ACTL6B: variants seen among roughly 807,000 people sequenced by gnomAD.
The protein encoded by ACTL6B is actin-like protein 6B.
ACTL6B carries 48 observed loss-of-function variants against 63.3 expected under a neutral mutation model. The ratio of observed to expected loss-of-function variants is 0.76; its 90% confidence interval spans 0.60 to 0.96. ACTL6B has a LOEUF of 0.96. ACTL6B is among the 50% of genes least tolerant of loss of function. The probability of loss-of-function intolerance (pLI) is 0.00; values close to 1 mark genes in which losing one functional copy is unlikely to be tolerated. For synonymous variants in ACTL6B, 230 were observed against 223.8 expected, an observed-to-expected ratio of 1.03 and a Z score of -0.25; for missense variants, 350 against 572.2, an observed-to-expected ratio of 0.61 and a Z score of 3.96.
At position 100,655,098 on chromosome 7, in the gene ACTL6B, C is replaced by T. The variant is rs768097253; in HGVS notation, c.290G>A (p.Arg97Gln). ...GCTGTAGGTGTGATCCAGGATGGCT[C>T]GGAAGCACTCCCAGTCCTCGACTGG... is the stretch of plus-strand genomic sequence containing the variant. ...NGMIEDWECF[R>Q]AILDHTYSKH... Residue 97 changes from arginine to glutamine, a missense_variant, in exon 4 of 14, where the codon CGA becomes CAA. Around this residue, in one of 3 missense-constraint regions of ACTL6B, gnomAD observed 250 missense variants for 364.7 expected, o/e 0.69. Coordinates refer to ENST00000160382, the MANE Select transcript of ACTL6B (RefSeq NM_016188.5). The surrounding 1 kb of genome is among the most constrained non-coding windows in gnomAD (Gnocchi z 4.4). 1 of 1,613,824 alleles carries T rather than the reference C, an allele frequency of 6.2e-7. No individual in the cohort carries two copies. Among genetic ancestry groups the T allele is most frequent in the Admixed American group, 1.7e-5 (1 of 59,986 alleles).
At chr7:100,649,133 C>A (rs1194086735) in intron 5 of ACTL6B, among the ~76,000 whole-genome samples, 1 of 151,796 alleles carries the variant, frequency 6.6e-6, no homozygotes, top group African/African-American at 2.4e-5. Context: ...GCTGGGACTA[C>A]AGGTGCCTGC....
rs1803866074 is a variant in ACTL6B at position 100,648,334 on chromosome 7, C to T, written c.669+222G>A. ...TGGACCCTAGAACCCACCACACTGG[C>T]CCTCACACATCCTGCTGTCTGCCAG... is the stretch of plus-strand genomic sequence containing the variant. On this transcript the variant is annotated intron_variant, in intron 7 of 13. Coordinates refer to ENST00000160382, the MANE Select transcript of ACTL6B (RefSeq NM_016188.5). The surrounding 1 kb of genome is among the most constrained non-coding windows in gnomAD (Gnocchi z 4.4). 4 of 491,532 alleles carry T rather than the reference C, an allele frequency of 8.1e-6. No individual in the cohort carries two copies. Among genetic ancestry groups the T allele is most frequent in the East Asian group, 3.6e-5 (1 of 28,162 alleles). 30.4% of individuals were successfully genotyped at this position (491,532 alleles called of 1,614,324 possible).
chr7:100,644,536 C>T (rs1803786176), intron 13 of ACTL6B, among the ~76,000 whole-genome samples: 1 of 152,182 alleles, frequency 6.6e-6, no homozygotes, highest in Admixed American at 6.5e-5. Flanking sequence ...CAGCCTCAAC[C>T]TTCCAGGTTC....
chr7:100,647,331 GCACCCCC>G lies in ACTL6B; in HGVS notation c.760-54_760-48del. 1 of 1,607,716 alleles carries G rather than the reference GCACCCCC, an allele frequency of 6.2e-7. No homozygotes were observed. Among genetic ancestry groups the G allele is most frequent in the South Asian group, 1.1e-5 (1 of 90,930 alleles). Reference sequence around the variant, plus strand: ...TGAGGGCCTGCCTTCCCCGTGAGCAGCACCCCCTGCCCCGCTCCCCCTCCCTGCTCCC... The same window carrying G: ...TGAGGGCCTGCCTTCCCCGTGAGCAGTGCCCCGCTCCCCCTCCCTGCTCCC... On this transcript the variant is annotated intron_variant, in intron 8 of 13. Coordinates refer to ENST00000160382, the MANE Select transcript of ACTL6B (RefSeq NM_016188.5). This position sits in a 1 kb window ranked among gnomAD's most constrained non-coding sequence, Gnocchi z 4.4.
chr7:100,653,673 CAAACA>C (rs1184015805), intron 4 of ACTL6B, among the ~76,000 whole-genome samples: 1 of 151,998 alleles, frequency 6.6e-6, no homozygotes, highest in Non-Finnish European at 1.5e-5. Context: ...AAACAAACAA[CAAACA>C]AAACCCCAAA....
chr7:100,645,327 C>T lies in ACTL6B; in HGVS notation c.1200+922G>A, dbSNP rs562310889. ...CAGCAGGTCCAGACTGAACTTACCA[C>T]CTCCTGCCCCAGAACCAACCTGCCT... On this transcript the variant is annotated intron_variant, in intron 13 of 13. Transcript: ENST00000160382. Among the ~76,000 whole-genome samples the T allele has an allele frequency of 1.4e-4, 21 of 152,238 alleles. No homozygotes were observed. The Middle Eastern group carries it at 0.017, about 123-fold the overall frequency.
rs192717753 is a variant in ACTL6B at position 100,644,863 on chromosome 7, T to G, written c.1200+1386A>C. ...TTGAGGTCAGGAGTTTGAGACAAGC[T>G]TAGCCAACACGGTGAAACCCCATCT... On this transcript the variant is annotated intron_variant, in intron 13 of 13. Transcript: ENST00000160382. 2.0e-5 allele frequency among the ~76,000 whole-genome samples: 3 copies of G among 152,142 alleles called. No individual in the cohort carries two copies. The East Asian group carries it at 5.8e-4, about 29-fold the overall frequency.
chr7:100,647,911 A>C lies in ACTL6B; in HGVS notation c.670-378T>G, dbSNP rs1378077697. ...ACTGCCGTTCCACTTTACATAAGAC[A>C]AACCTGAGGCCCAGGGAGCTTTGAT... On this transcript the variant is annotated intron_variant, in intron 7 of 13. Transcript: ENST00000160382. The surrounding 1 kb of genome is among the most constrained non-coding windows in gnomAD (Gnocchi z 4.4). 6.6e-6 allele frequency among the ~76,000 whole-genome samples: 1 copy of C among 151,476 alleles called. No individual in the cohort carries two copies. Among genetic ancestry groups the C allele is most frequent in the East Asian group, 1.9e-4 (1 of 5,172 alleles).
chr7:100,649,182 T>C (rs766119665), intron 5 of ACTL6B, among the ~76,000 whole-genome samples: 2 of 151,036 alleles, frequency 1.3e-5, no homozygotes, highest in African/African-American at 4.9e-5. Flanking sequence ...TTAGTAGAGA[T>C]GGGATTTCAC....
intron 13 of ACTL6B, 122 bp from the exon 14 acceptor site, chr7:100,643,448 AGCCCCTC>A: frequency 1.1e-6 from 1 of 887,616 alleles, no homozygotes; most frequent in Non-Finnish European, 1.8e-6. Flanking sequence ...ATCCCTCTGA[AGCCCCTC>A]CCCACCTCAT....
chr7:100,654,252 G>A (rs1048321502), intron 4 of ACTL6B, among the ~76,000 whole-genome samples: 20 of 151,660 alleles, frequency 1.3e-4, no homozygotes, highest in East Asian at 5.9e-4. Flanking sequence ...GATTACAGGC[G>A]TGAGCCACCA....
chr7:100,651,865 GCCTCT>G (rs1803947215), intron 4 of ACTL6B, among the ~76,000 whole-genome samples: 4 of 152,180 alleles, frequency 2.6e-5, no homozygotes, highest in Admixed American at 2.0e-4. Flanking sequence ...ACTGTCTCTG[GCCTCT>G]CATGACCTTT....
At chr7:100,649,910 G>A in intron 5 of ACTL6B, 128 bp downstream of exon 5, 1 of 766,678 alleles carries the variant, frequency 1.3e-6, no homozygotes, top group Non-Finnish European at 2.1e-6. Context: ...GGCAGAGGGA[G>A]GTGTCTGCCC....
Position 100,650,262 on chromosome 7 carries a change from C to T in ACTL6B, c.370-127G>A, listed in dbSNP as rs2231173. 375 of 730,704 alleles carry T rather than the reference C, an allele frequency of 5.1e-4. 1 individual carries two copies. In the African/African-American group the frequency reaches 5.8e-3, roughly 11 times the overall value. The allele number at this position is 730,704 out of a possible 1,614,324, so 45.3% of individuals were successfully genotyped here. A position where few individuals can be genotyped will look rare whatever the true frequency, so the allele number is the denominator to read the frequency against. On this transcript the variant is annotated intron_variant, in intron 4 of 13. Coordinates refer to ENST00000160382, the MANE Select transcript of ACTL6B (RefSeq NM_016188.5). ...ACACACACATCCAAACACTTGCACA[C>T]ACATACACAACCTAAACACTCACAC... is the stretch of plus-strand genomic sequence containing the variant.
chr7:100,646,568 A>G lies in ACTL6B; in HGVS notation c.1096T>C (p.Ser366Pro). ...GFTDRLNREL[S>P]QKTPPSMRLK... Reference sequence around the variant, plus strand: ...GCTCCTACCGGTGGGGTCTTCTGGGAAAGCTCTCGATTGAGCCTGTCAGTG... The same window carrying G: ...GCTCCTACCGGTGGGGTCTTCTGGGGAAGCTCTCGATTGAGCCTGTCAGTG... Residue 366 changes from serine to proline, a missense_variant, in exon 12 of 14, where the codon TCC (serine) becomes CCC (proline). Coordinates refer to ENST00000160382, the MANE Select transcript of ACTL6B (RefSeq NM_016188.5). This position sits in a 1 kb window ranked among gnomAD's most constrained non-coding sequence, Gnocchi z 6.1. The G allele has an allele frequency of 6.2e-7, 1 of 1,614,014 alleles. No homozygotes were observed. The highest frequency in any genetic ancestry group is 1.1e-5 in the South Asian group (1 of 91,080).
Position 100,647,362 on chromosome 7 carries a change from C to T in ACTL6B, c.760-78G>A. On this transcript the variant is annotated intron_variant, in intron 8 of 13. Transcript: ENST00000160382. The surrounding 1 kb of genome is among the most constrained non-coding windows in gnomAD (Gnocchi z 4.4). Reference sequence around the variant, plus strand: ...CCTGCCCCGCTCCCCCTCCCTGCTCCCCCTCCCATGCGGGGCCTCTGTCCC... The same window carrying T: ...CCTGCCCCGCTCCCCCTCCCTGCTCTCCCTCCCATGCGGGGCCTCTGTCCC... 1 of 1,599,816 alleles carries T rather than the reference C, an allele frequency of 6.3e-7. No individual in the cohort carries two copies. The highest frequency in any genetic ancestry group is 8.6e-7 in the Non-Finnish European group (1 of 1,168,564).
Position 100,646,717 on chromosome 7 carries a change from C to T in ACTL6B, c.1017+34G>A. On this transcript the variant is annotated intron_variant, in intron 11 of 13. Coordinates refer to ENST00000160382, the MANE Select transcript of ACTL6B (RefSeq NM_016188.5). The surrounding 1 kb of genome is among the most constrained non-coding windows in gnomAD (Gnocchi z 6.1). ...CCCGTCTCCCCACTTCCCCTGGGCC[C>T]CTTTGCCGAGCCTCAGCTCCGGCCT... 2 of 1,613,208 alleles carry T rather than the reference C, an allele frequency of 1.2e-6. No individual in the cohort carries two copies. The highest frequency in any genetic ancestry group is 1.7e-6 in the Non-Finnish European group (2 of 1,179,908).
chr7:100,648,369 T>C lies in ACTL6B; in HGVS notation c.669+187A>G, dbSNP rs1232683404. On this transcript the variant is annotated intron_variant, in intron 7 of 13. Coordinates refer to ENST00000160382, the MANE Select transcript of ACTL6B (RefSeq NM_016188.5). This position sits in a 1 kb window ranked among gnomAD's most constrained non-coding sequence, Gnocchi z 4.4. ...TCCTGCTGTCTGCCAGCTGGTTTCA[T>C]GACCTCAGCATATCCCTCAGCCTGT... 4 of 552,620 alleles carry C rather than the reference T, an allele frequency of 7.2e-6. No homozygotes were observed. Among genetic ancestry groups the C allele is most frequent in the Admixed American group, 6.8e-5 (2 of 29,352 alleles). 34.2% of individuals were successfully genotyped at this position (552,620 alleles called of 1,614,324 possible).
chr7:100,643,280 CCCT>C lies in ACTL6B; in HGVS notation c.1244_1246del (p.Glu415del). 6.2e-7 allele frequency: 1 copy of C among 1,613,978 alleles called. No homozygotes were observed. Among genetic ancestry groups the C allele is most frequent in the Non-Finnish European group, 8.5e-7 (1 of 1,179,996 alleles). Reference sequence around the variant, plus strand: ...CTTTCGCTCCACGCACTGCTTCCCGCCCTCCTCATATTCCTGCTTGGAGATCCA... The same window carrying C: ...CTTTCGCTCCACGCACTGCTTCCCGCCCTCATATTCCTGCTTGGAGATCCA... On this transcript the variant is annotated inframe_deletion, in exon 14 of 14. Coordinates refer to ENST00000160382, the MANE Select transcript of ACTL6B (RefSeq NM_016188.5).
Sources: gnomAD v4.1 joint callset for allele counts (sites outside exome capture counted in the v4.1 genomes callset) on GRCh38, gnomAD v4.1.1 for gene constraint, gnomAD v4.1.1 regional missense constraint, Gnocchi (gnomAD v3.1) non-coding constraint, MANE v1.5 for transcripts, NCBI Gene and HGNC (gene_info 2026-07-23, HGNC 2026-07-21) for gene names.